CNTN4: variants seen among roughly 807,000 people sequenced by gnomAD.
CNTN4 encodes the protein contactin 4, also known as contactin-4.
In CNTN4, 77 loss-of-function variants were observed where a neutral mutation model predicts 122.5. The ratio of observed to expected loss-of-function variants is 0.63; its 90% CI spans 0.52 to 0.76. The LOEUF (loss-of-function observed/expected upper bound fraction) is 0.76, where lower values mean the gene tolerates loss of function less well. CNTN4 is among the 30% of genes least tolerant of loss of function. CNTN4 has a pLI of 0.00. For missense variants in CNTN4, 1,256 were observed against 1,259.1 expected, an observed-to-expected ratio of 1.00 and a Z score of 0.04; for synonymous variants, 512 against 447.0, an observed-to-expected ratio of 1.15 and a Z score of -1.83.
At chr3:2,210,442 C>T (rs1392245956) in intron 2 of CNTN4, among the ~76,000 whole-genome samples, 3 of 152,154 alleles carry the variant, frequency 2.0e-5, no homozygotes, top group Non-Finnish European at 4.4e-5. Context: ...ACCAAGTTAG[C>T]TTCCTTAATG....
rs1331379091 is a variant in CNTN4, at chr3:2,591,495, G to T, written c.55+19937G>T. On this transcript the variant is annotated intron_variant, in intron 4 of 24. Transcript: ENST00000418658. Reference sequence around the variant, plus strand: ...TTCTCCGGCCTCAGCCTCCCAAGTAGCTGGGACTACAGGCGCCCGCCACTA... The same window carrying T: ...TTCTCCGGCCTCAGCCTCCCAAGTATCTGGGACTACAGGCGCCCGCCACTA... Among the ~76,000 whole-genome samples, 22 of 85,092 alleles carry T rather than the reference G, an allele frequency of 2.6e-4. 5 individuals carry two copies. The highest frequency in any genetic ancestry group is 9.7e-4 in the African/African-American group (22 of 22,598). The allele number at this position is 85,092 out of a possible 152,430, so 55.8% of individuals were successfully genotyped here. A position where few individuals can be genotyped will look rare whatever the true frequency, so the allele number is the denominator to read the frequency against.
At chr3:2,962,318 C>T (rs991739989) in intron 13 of CNTN4, among the ~76,000 whole-genome samples, 6 of 152,202 alleles carry the variant, frequency 3.9e-5, no homozygotes, top group African/African-American at 1.4e-4. Flanking sequence ...TTCCTTTCTG[C>T]CACACTCTTC....
chr3:2,209,759 T>C (rs1012069360), intron 2 of CNTN4, among the ~76,000 whole-genome samples: 2 of 152,134 alleles, frequency 1.3e-5, no homozygotes, highest in African/African-American at 4.8e-5. Flanking sequence ...AAGTACAACT[T>C]CTGGGGAAAA....
chr3:2,954,598 C>T (rs772255001), intron 13 of CNTN4, among the ~76,000 whole-genome samples: 5 of 151,832 alleles, frequency 3.3e-5, no homozygotes, highest in Non-Finnish European at 7.4e-5. Flanking sequence ...TGATTTTTCT[C>T]TCCCCCTTTC....
chr3:2,346,660 T>G (rs1322359879), intron 3 of CNTN4, among the ~76,000 whole-genome samples: 1 of 152,202 alleles, frequency 6.6e-6, no homozygotes, highest in South Asian at 2.1e-4. Flanking sequence ...GTTGTATTGT[T>G]TTCTATCCTT....
chr3:2,956,409 A>G (rs1421153786), intron 13 of CNTN4, among the ~76,000 whole-genome samples: 2 of 152,142 alleles, frequency 1.3e-5, no homozygotes, highest in Non-Finnish European at 2.9e-5. Context: ...CACTGAATTC[A>G]ACACTTAAAA....
At chr3:2,993,724 T>C (rs985558131) in intron 14 of CNTN4, among the ~76,000 whole-genome samples, 3 of 152,270 alleles carry the variant, frequency 2.0e-5, no homozygotes, top group South Asian at 2.1e-4. Flanking sequence ...TGATAACTTT[T>C]TCTCTTCCTC....
chr3:2,639,736 GT>G (rs1174179297), intron 4 of CNTN4, among the ~76,000 whole-genome samples: 1 of 152,134 alleles, frequency 6.6e-6, no homozygotes. Context: ...GTTTTGTTTA[GT>G]TGGGGTTTTG....
At chr3:2,623,897 AC>A (rs1475213600) in intron 4 of CNTN4, among the ~76,000 whole-genome samples, 1 of 152,188 alleles carries the variant, frequency 6.6e-6, no homozygotes, top group African/African-American at 2.4e-5. Flanking sequence ...ATAGAAAAAA[AC>A]AAAACAAAAC....
chr3:2,963,954 T>C (rs1256499305), intron 13 of CNTN4, among the ~76,000 whole-genome samples: 1 of 152,198 alleles, frequency 6.6e-6, no homozygotes, highest in Non-Finnish European at 1.5e-5. Context: ...ATAAATTGTC[T>C]TTTCCAATAG....
At chr3:3,007,472 G>A (rs1402720329) in intron 14 of CNTN4, among the ~76,000 whole-genome samples, 2 of 152,194 alleles carry the variant, frequency 1.3e-5, no homozygotes, top group African/African-American at 2.4e-5. Flanking sequence ...CCTACAAAAG[G>A]TGTCACCTGG....
rs970204938 is a variant in CNTN4 at position 2,434,064 on chromosome 3, G to T, written c.-89+94831G>T. ...GTGCAAAGTTTAATTTAGACAGGAG[G>T]AATAAGCTTTGGTGATCTATTGCAC... On this transcript the variant is annotated intron_variant, in intron 3 of 24. Coordinates refer to ENST00000418658, the MANE Select transcript of CNTN4 (RefSeq NM_175607.3). 2.6e-5 allele frequency among the ~76,000 whole-genome samples: 4 copies of T among 152,010 alleles called. No individual in the cohort carries two copies. In the South Asian group the frequency reaches 8.3e-4, roughly 31 times the overall value.
At chr3:2,927,490 A>G (rs2094484468) in intron 13 of CNTN4, 1 of 312,076 alleles carries the variant, frequency 3.2e-6, no homozygotes, top group African/African-American at 2.2e-5. Flanking sequence ...TGTTCCTGCA[A>G]CTCAGCAGGG....
intron 3 of CNTN4, among the ~76,000 whole-genome samples, chr3:2,483,236 A>T (rs911032480): frequency 1.3e-5 from 2 of 152,170 alleles, no homozygotes; most frequent in African/African-American, 4.8e-5. Context: ...CTGTCCTATT[A>T]CATTTTAGAC....
chr3:2,694,961 A>T (rs1385014418), intron 4 of CNTN4, among the ~76,000 whole-genome samples: 1 of 152,196 alleles, frequency 6.6e-6, no homozygotes, highest in African/African-American at 2.4e-5. Flanking sequence ...TTAAAAAGGA[A>T]TCTTATAAAT....
chr3:2,747,808 A>G (rs2149577329), intron 6 of CNTN4, among the ~76,000 whole-genome samples: 1 of 152,300 alleles, frequency 6.6e-6, no homozygotes, highest in Non-Finnish European at 1.5e-5. Context: ...AAGTTCACCA[A>G]TTCATCACGA....
intron 3 of CNTN4, among the ~76,000 whole-genome samples, chr3:2,356,639 A>G (rs1215346735): frequency 2.0e-5 from 3 of 152,152 alleles, no homozygotes; most frequent in South Asian, 2.1e-4. Context: ...CCAACCTCCT[A>G]TCTCATCCTG....
chr3:2,304,140 A>G (rs2042622277), intron 2 of CNTN4, among the ~76,000 whole-genome samples: 1 of 152,206 alleles, frequency 6.6e-6, no homozygotes, highest in Non-Finnish European at 1.5e-5. Context: ...CTTGTTCATT[A>G]CATTGTAATG....
chr3:2,567,285 G>A (rs1020920418), intron 3 of CNTN4, among the ~76,000 whole-genome samples: 33 of 152,016 alleles, frequency 2.2e-4, no homozygotes, highest in Non-Finnish European at 4.0e-4. Flanking sequence ...ATGGGGTTTT[G>A]CCGTGTTAGC....
Sources: gnomAD v4.1 joint callset for allele counts (sites outside exome capture counted in the v4.1 genomes callset) on GRCh38, gnomAD v4.1.1 for gene constraint, MANE v1.5 for transcripts, NCBI Gene and HGNC (gene_info 2026-07-23, HGNC 2026-07-21) for gene names.